The following LPP variants were observed in gnomAD, a reference collection of about 807,000 sequenced individuals.
LPP encodes the protein lipoma-preferred partner.
Under a neutral mutation model 60.4 loss-of-function variants are expected in LPP, and 38 were observed. The ratio of observed to expected loss-of-function variants is 0.63; its 90% CI spans 0.49 to 0.83. The LOEUF (loss-of-function observed/expected upper bound fraction) is 0.83. LPP is among the 40% of genes least tolerant of loss of function. The pLI is 0.00. For synonymous variants in LPP, 328 were observed against 290.8 expected (o/e 1.13, Z -1.30); for missense variants, 902 against 783.6 (o/e 1.15, Z -1.80).
intron 3 of LPP, among the ~76,000 whole-genome samples, chr3:188,405,075 G>A (rs191461546): frequency 5.3e-5 from 8 of 152,306 alleles, no homozygotes; most frequent in African/African-American, 1.9e-4. Context: ...GTCCAACATG[G>A]TATCAGCTCA....
At chr3:188,253,643 A>G (rs1441482648) in intron 2 of LPP, among the ~76,000 whole-genome samples, 1 of 152,194 alleles carries the variant, frequency 6.6e-6, no homozygotes, top group Non-Finnish European at 1.5e-5. Context: ...AAACCCAATA[A>G]GAACATACAT....
chr3:188,753,501 TG>T (rs922677983), intron 8 of LPP, among the ~76,000 whole-genome samples: 2 of 152,008 alleles, frequency 1.3e-5, no homozygotes, highest in African/African-American at 2.4e-5. Context: ...TCATCTCATC[TG>T]GTTTGCTGCC....
At chr3:188,843,650 A>T (rs1385780443) in intron 9 of LPP, among the ~76,000 whole-genome samples, 1 of 150,798 alleles carries the variant, frequency 6.6e-6, no homozygotes, top group East Asian at 2.0e-4. Context: ...AGCCGGGCGC[A>T]GTGGGGGGCG....
At chr3:188,308,524 AAT>A (rs1317944605) in intron 2 of LPP, among the ~76,000 whole-genome samples, 1 of 152,182 alleles carries the variant, frequency 6.6e-6, no homozygotes, top group Non-Finnish European at 1.5e-5. Context: ...TGATAGTGAA[AAT>A]ATTTAACAAC....
At chr3:188,154,485 T>A (rs1338433927) in intron 1 of LPP, among the ~76,000 whole-genome samples, 2 of 151,732 alleles carry the variant, frequency 1.3e-5, no homozygotes, top group Non-Finnish European at 2.9e-5. Context: ...CTAGGCGGGG[T>A]TGGAGCCTTG....
intron 9 of LPP, among the ~76,000 whole-genome samples, chr3:188,778,961 G>A (rs1490505843): frequency 6.6e-6 from 1 of 152,168 alleles, no homozygotes; most frequent in Admixed American, 6.5e-5. Flanking sequence ...AAGTGTGTGT[G>A]TTTGTGTGTA....
Position 188,409,839 on chromosome 3 carries a change from G to A in LPP, c.193+3526G>A, listed in dbSNP as rs569252293. 3.9e-5 allele frequency among the ~76,000 whole-genome samples: 6 copies of A among 152,262 alleles called. No homozygotes were observed. In the South Asian group the frequency reaches 8.3e-4, roughly 21 times the overall value. On this transcript the variant is annotated intron_variant, in intron 4 of 11. Transcript: ENST00000617246. ...ATCACGCAATCCATCTTGTTCTGAC[G>A]TAAATGTGAAAACTGCAGTCTAGAG...
At chr3:188,765,304 A>G (rs1025586776) in intron 9 of LPP, among the ~76,000 whole-genome samples, 19 of 77,360 alleles carry the variant, frequency 2.5e-4, no homozygotes, top group African/African-American at 1.2e-3. Context: ...CACAACACAC[A>G]CACACACACA....
intron 2 of LPP, among the ~76,000 whole-genome samples, chr3:188,277,791 A>T (rs1173129758): frequency 1.3e-5 from 2 of 151,966 alleles, no homozygotes; most frequent in Non-Finnish European, 2.9e-5. Flanking sequence ...CCGAGACATG[A>T]CCTCCATATT....
At chr3:188,534,470 A>G (rs1159809470) in intron 6 of LPP, among the ~76,000 whole-genome samples, 2 of 152,138 alleles carry the variant, frequency 1.3e-5, no homozygotes, top group African/African-American at 4.8e-5. Flanking sequence ...TCTTGTTAGG[A>G]CTGGTTTCTC....
intron 9 of LPP, among the ~76,000 whole-genome samples, chr3:188,809,533 G>T (rs1472946886): frequency 3.3e-5 from 5 of 152,006 alleles, no homozygotes; most frequent in Non-Finnish European, 5.9e-5. Flanking sequence ...AAAGTTGTTT[G>T]GTTTTTTCTT....
At chr3:188,550,163 A>C (rs1287718480) in intron 6 of LPP, among the ~76,000 whole-genome samples, 1 of 152,158 alleles carries the variant, frequency 6.6e-6, no homozygotes, top group Non-Finnish European at 1.5e-5. Context: ...ATCCCCCATA[A>C]ATTTTTTAAT....
chr3:188,855,902 C>T (rs1202246388), intron 9 of LPP, among the ~76,000 whole-genome samples: 2 of 152,126 alleles, frequency 1.3e-5, no homozygotes, highest in Non-Finnish European at 2.9e-5. Flanking sequence ...TTCTCCTTGC[C>T]ACTGAGCCAT....
chr3:188,311,241 A>T (rs1444161799), intron 2 of LPP, among the ~76,000 whole-genome samples: 1 of 151,732 alleles, frequency 6.6e-6, no homozygotes, highest in Non-Finnish European at 1.5e-5. Flanking sequence ...GGGAGTCTGC[A>T]GTGGGAGGAT....
chr3:188,251,674 C>T (rs1729682770), intron 2 of LPP, among the ~76,000 whole-genome samples: 2 of 152,024 alleles, frequency 1.3e-5, no homozygotes, highest in Non-Finnish European at 2.9e-5. Context: ...GCTTATGGTG[C>T]TCCTCCTTCA....
intron 6 of LPP, among the ~76,000 whole-genome samples, chr3:188,594,228 C>T (rs747167754): frequency 1.3e-5 from 2 of 152,112 alleles, no homozygotes; most frequent in Admixed American, 6.6e-5. Context: ...TTCAGCTGCC[C>T]ATGTAAAGTA....
At chr3:188,260,109 G>A (rs1366876174) in intron 2 of LPP, among the ~76,000 whole-genome samples, 2 of 151,682 alleles carry the variant, frequency 1.3e-5, no homozygotes, top group Admixed American at 6.6e-5. Context: ...GCACGATCTC[G>A]GCTGACTGCA....
At chr3:188,702,593 T>C (rs1216359711) in intron 7 of LPP, among the ~76,000 whole-genome samples, 1 of 152,214 alleles carries the variant, frequency 6.6e-6, no homozygotes, top group African/African-American at 2.4e-5. Flanking sequence ...AGGAGATTTA[T>C]GTTAAGACAA....
chr3:188,459,514 G>A (rs562629452), intron 4 of LPP, among the ~76,000 whole-genome samples: 2 of 152,186 alleles, frequency 1.3e-5, no homozygotes, highest in African/African-American at 4.8e-5. Context: ...ATAGGAGGGA[G>A]GAAGAAGAAT....
Sources: gnomAD v4.1 joint callset for allele counts (sites outside exome capture counted in the v4.1 genomes callset) on GRCh38, gnomAD v4.1.1 for gene constraint, MANE v1.5 for transcripts, NCBI Gene and HGNC (gene_info 2026-07-23, HGNC 2026-07-21) for gene names.